Variants in ITGA11 observed in about 807,000 individuals in gnomAD.
ITGA11 encodes integrin alpha-11.
In ITGA11, 97 loss-of-function variants were observed where a neutral mutation model predicts 141.9. The ratio of observed to expected loss-of-function variants is 0.68; its 90% CI spans 0.58 to 0.81. The LOEUF (loss-of-function observed/expected upper bound fraction) is 0.81. Among genes scored for constraint, ITGA11 ranks in the 30% least tolerant of loss-of-function variants. The pLI, the probability that ITGA11 is intolerant of heterozygous loss-of-function variation, is 0.00. For missense variants in ITGA11, 1,387 were observed against 1,559.2 expected, an observed-to-expected ratio of 0.89 and a Z score of 1.86; for synonymous variants, 658 against 624.6, an observed-to-expected ratio of 1.05 and a Z score of -0.80.
intron 1 of ITGA11, among the ~76,000 whole-genome samples, chr15:68,413,699 A>G (rs1485402711): frequency 6.6e-6 from 1 of 152,170 alleles, no homozygotes; most frequent in Non-Finnish European, 1.5e-5. Context: ...GGCACATGTC[A>G]GTGAGGTTCC....
intron 2 of ITGA11, among the ~76,000 whole-genome samples, chr15:68,395,435 AG>A (rs1371589477): frequency 6.6e-6 from 1 of 151,802 alleles, no homozygotes; most frequent in Non-Finnish European, 1.5e-5. Flanking sequence ...CCTTGAAAAA[AG>A]GTTAGATGAG....
intron 2 of ITGA11, among the ~76,000 whole-genome samples, chr15:68,397,805 T>TAAC (rs1383078700): frequency 1.9e-5 from 2 of 104,626 alleles, no homozygotes; most frequent in Admixed American, 9.9e-5. Flanking sequence ...AAATTATTAA[T>TAAC]AATAATATTA....
At chr15:68,383,257 C>T (rs1427722446) in intron 2 of ITGA11, among the ~76,000 whole-genome samples, 4 of 146,844 alleles carry the variant, frequency 2.7e-5, no homozygotes, top group Admixed American at 2.1e-4. Flanking sequence ...GTCGACAGAG[C>T]GAGGCTCTGC....
intron 1 of ITGA11, among the ~76,000 whole-genome samples, chr15:68,417,634 G>C (rs967720986): frequency 6.6e-6 from 1 of 151,820 alleles, no homozygotes; most frequent in Admixed American, 6.6e-5. Context: ...ACCCTTCCCA[G>C]GGCCCACCAG....
chr15:68,323,511 A>G (rs775586256), intron 18 of ITGA11, among the ~76,000 whole-genome samples: 31 of 152,218 alleles, frequency 2.0e-4, no homozygotes, highest in Non-Finnish European at 4.6e-4. Flanking sequence ...AGCGCTGGGC[A>G]TTTAGTAGAG....
intron 1 of ITGA11, among the ~76,000 whole-genome samples, chr15:68,427,191 A>G (rs978725007): frequency 1.3e-5 from 2 of 152,138 alleles, no homozygotes; most frequent in Admixed American, 1.3e-4. Context: ...CCTTATTGAG[A>G]TGTGAGAAAG....
rs1893284810 is a variant in ITGA11 at position 68,308,786 on chromosome 15, G to GAAAA, written c.3175-1091_3175-1090insTTTT. On this transcript the variant is annotated intron_variant, in intron 26 of 29. Coordinates refer to ENST00000315757, the MANE Select transcript of ITGA11 (RefSeq NM_001004439.2). This position sits in a 1 kb window ranked among gnomAD's most constrained non-coding sequence, Gnocchi z 5.2. ...GAAAGAAAAGAAAAGAAAAGAAAAG[G>GAAAA]GATTAGAGGACACTGAAGATGGAGC... is the stretch of plus-strand genomic sequence containing the variant. Among the ~76,000 whole-genome samples the GAAAA allele has an allele frequency of 9.1e-6, 1 of 110,302 alleles. No homozygotes were observed. The highest frequency in any genetic ancestry group is 2.8e-4 in the South Asian group (1 of 3,594). The allele number at this position is 110,302 out of a possible 152,430, so 72.4% of individuals were successfully genotyped here.
chr15:68,419,786 C>A (rs995696730), intron 1 of ITGA11, among the ~76,000 whole-genome samples: 18 of 152,344 alleles, frequency 1.2e-4, no homozygotes, highest in Middle Eastern at 3.4e-3. Context: ...TTGGGCAAGA[C>A]ACTTGACCTC....
intron 10 of ITGA11, among the ~76,000 whole-genome samples, chr15:68,343,384 A>G (rs1894634330): frequency 6.6e-6 from 1 of 152,138 alleles, no homozygotes; most frequent in South Asian, 2.1e-4. Flanking sequence ...AAGTCTCAAA[A>G]CGAACACTTC....
intron 2 of ITGA11, among the ~76,000 whole-genome samples, chr15:68,375,146 ACCTCTCT>A (rs1239944588): frequency 4.0e-5 from 6 of 151,772 alleles, no homozygotes; most frequent in Non-Finnish European, 5.9e-5. Flanking sequence ...GGAGCCTCTC[ACCTCTCT>A]CCTCTCTCAC....
intron 20 of ITGA11, among the ~76,000 whole-genome samples, chr15:68,319,701 A>G (rs1477698820): frequency 6.6e-6 from 1 of 152,086 alleles, no homozygotes; most frequent in Non-Finnish European, 1.5e-5. Context: ...CTGGTGGCAC[A>G]TGCGTGGTGT....
chr15:68,395,024 C>A (rs1347878911), intron 2 of ITGA11, among the ~76,000 whole-genome samples: 2 of 152,100 alleles, frequency 1.3e-5, no homozygotes, highest in Non-Finnish European at 2.9e-5. Flanking sequence ...CTGGTGATAT[C>A]CAGGCAAACA....
Position 68,386,677 on chromosome 15 carries a change from G to C in ITGA11, c.164+16241C>G, listed in dbSNP as rs530452407. Among the ~76,000 whole-genome samples the C allele has an allele frequency of 2.8e-3, 430 of 152,280 alleles. 2 individuals carry two copies. The highest frequency in any genetic ancestry group is 9.9e-3 in the African/African-American group (413 of 41,564). On this transcript the variant is annotated intron_variant, in intron 2 of 29. Transcript: ENST00000315757. ...CATCTCCCAACTTCCTTTCTCTCCT[G>C]CTCCACCAGGATCCCCTTTCTCCTT...
Position 68,325,185 on chromosome 15 carries a change from G to A in ITGA11, c.2268C>T (p.Asp756=). 2.5e-6 allele frequency: 4 copies of A among 1,613,978 alleles called. 1 individual carries two copies. Among genetic ancestry groups the A allele is most frequent in the Non-Finnish European group, 3.4e-6 (4 of 1,179,874 alleles). Reference sequence around the variant, plus strand: ...CGTCCAGCATGGGGCCATGGTCAGGGTCCTCCAGGGAATACTCGACTGAGA... The same window carrying A: ...CGTCCAGCATGGGGCCATGGTCAGGATCCTCCAGGGAATACTCGACTGAGA... The part of the protein sequence containing the change: ...VTFSVEYSLE[D]PDHGPMLDDG... The change falls in exon 18 of 30, where the codon GAC becomes GAT. Residue 756 remains aspartate (D), a synonymous_variant. Transcript: ENST00000315757. The surrounding 1 kb of genome is among the most constrained non-coding windows in gnomAD (Gnocchi z 5.5).
chr15:68,389,934 G>A (rs1408399561), intron 2 of ITGA11, among the ~76,000 whole-genome samples: 1 of 152,206 alleles, frequency 6.6e-6, no homozygotes, highest in Non-Finnish European at 1.5e-5. Context: ...GCCCTGCATT[G>A]GAGCTGCTGG....
At chr15:68,414,976 C>G (rs1167284897) in intron 1 of ITGA11, among the ~76,000 whole-genome samples, 2 of 152,176 alleles carry the variant, frequency 1.3e-5, no homozygotes, top group African/African-American at 4.8e-5. Flanking sequence ...AAAACTTAAC[C>G]AAACTTGGGT....
intron 3 of ITGA11, among the ~76,000 whole-genome samples, chr15:68,368,230 A>G (rs1204451629): frequency 6.6e-6 from 1 of 152,152 alleles, no homozygotes; most frequent in Non-Finnish European, 1.5e-5. Flanking sequence ...TCTGGGGTGG[A>G]GACCCCGCTC....
intron 11 of ITGA11, among the ~76,000 whole-genome samples, chr15:68,337,227 C>A (rs1894389479): frequency 6.6e-6 from 1 of 152,182 alleles, no homozygotes; most frequent in Admixed American, 6.5e-5. Flanking sequence ...TCAAAGTTCA[C>A]AGAGCTTCCT....
chr15:68,355,124 C>A (rs150545488), intron 7 of ITGA11, among the ~76,000 whole-genome samples: 2 of 152,170 alleles, frequency 1.3e-5, no homozygotes, highest in African/African-American at 4.8e-5. Flanking sequence ...AGTCAGTTAG[C>A]TTCACACTGA....
Sources: gnomAD v4.1 joint callset for allele counts (sites outside exome capture counted in the v4.1 genomes callset) on GRCh38, gnomAD v4.1.1 for gene constraint, Gnocchi (gnomAD v3.1) non-coding constraint, MANE v1.5 for transcripts, NCBI Gene and HGNC (gene_info 2026-07-23, HGNC 2026-07-21) for gene names.